Variants in PLD1 observed in about 807,000 individuals in gnomAD.
PLD1 encodes choline phosphatase 1.
In PLD1, 112 loss-of-function variants were observed where a neutral mutation model predicts 137.1. That is an observed-to-expected ratio of 0.82 (90% confidence interval 0.70 to 0.96). The LOEUF (loss-of-function observed/expected upper bound fraction) is 0.96, where lower values mean the gene tolerates loss of function less well. Ranked by LOEUF, PLD1 falls within the 40% of genes least tolerant of loss-of-function variation. PLD1 has a pLI of 0.00. For missense variants in PLD1, 1,321 were observed against 1,342.0 expected (o/e 0.98, Z 0.24); for synonymous variants, 431 against 454.7 (o/e 0.95, Z 0.66).
At chr3:171,764,541 G>C (rs1406424851) in intron 1 of PLD1, among the ~76,000 whole-genome samples, 1 of 152,106 alleles carries the variant, frequency 6.6e-6, no homozygotes, top group African/African-American at 2.4e-5. Context: ...TCACATTAAT[G>C]AGTATGTACT....
At position 171,726,050 on chromosome 3, in the gene PLD1, C is replaced by A. The variant is rs777775731; in HGVS notation, c.633G>T (p.Leu211=). 5.6e-6 allele frequency: 9 copies of A among 1,612,720 alleles called. No individual in the cohort carries two copies. Among genetic ancestry groups the A allele is most frequent in the Non-Finnish European group, 7.6e-6 (9 of 1,178,774 alleles). Residue 211 remains leucine, a synonymous_variant, in exon 7 of 27, where the codon CTG becomes CTT. Transcript: ENST00000351298. ...ATTEFLDISQ[L]SFIHDLGPKG... The stretch of plus-strand genomic sequence containing the variant: ...TTGGTCCCAAATCATGGATGAAAGA[C>A]AGCTGGCTTATATCAAGAAACTCTG...
At chr3:171,767,121 A>G (rs1487167615) in intron 1 of PLD1, among the ~76,000 whole-genome samples, 1 of 152,262 alleles carries the variant, frequency 6.6e-6, no homozygotes, top group African/African-American at 2.4e-5. Context: ...AAACTAAACA[A>G]TCAGAAAAGT....
At chr3:171,750,600 A>G (rs1720584613) in intron 1 of PLD1, among the ~76,000 whole-genome samples, 1 of 152,214 alleles carries the variant, frequency 6.6e-6, no homozygotes, top group Non-Finnish European at 1.5e-5. Context: ...GAGGTACATT[A>G]AAGTCAAGCT....
chr3:171,679,812 G>A (rs1479362612), intron 16 of PLD1, among the ~76,000 whole-genome samples: 2 of 152,126 alleles, frequency 1.3e-5, no homozygotes, highest in Non-Finnish European at 2.9e-5. Context: ...GAACTATTAA[G>A]GCAATAGAGC....
chr3:171,688,780 C>T lies in PLD1; in HGVS notation c.1435G>A (p.Gly479Arg), dbSNP rs1190479746. 6.2e-7 allele frequency: 1 copy of T among 1,614,092 alleles called. No homozygotes were observed. ...CACCTTCCATAGGCCAGGTCAATCC[C>T]TCCCACAAAGGCCACCGATTGGTCA... ...IIDQSVAFVG[G>R]IDLAYGRWDD... Residue 479 changes from glycine (G) to arginine (R), a missense_variant, in exon 14 of 27, where the codon GGG (glycine) becomes AGG (arginine). Coordinates refer to ENST00000351298, the MANE Select transcript of PLD1 (RefSeq NM_002662.5).
At chr3:171,803,330 G>C (rs9860739) in intron 1 of PLD1, among the ~76,000 whole-genome samples, 48,189 of 152,156 alleles carry the variant, frequency 0.32, 8,012 homozygotes, top group Admixed American at 0.37. Context: ...AAGTGCAGGA[G>C]AAATCTCTTT....
At chr3:171,767,806 C>T (rs910412532) in intron 1 of PLD1, among the ~76,000 whole-genome samples, 3 of 152,114 alleles carry the variant, frequency 2.0e-5, no homozygotes, top group African/African-American at 7.2e-5. Context: ...ATTTTGTTTA[C>T]ATGGCTCATG....
chr3:171,662,068 A>G lies in PLD1; in HGVS notation c.2332T>C (p.Tyr778His). The change falls in exon 20 of 27, where the codon TAT (tyrosine) becomes CAT (histidine). Residue 778 changes from tyrosine (Y) to histidine (H), a missense_variant. Transcript: ENST00000351298. ...HVIENSRHYI[Y>H]IENQFFISCA... Reference sequence around the variant, plus strand: ...ACATGAGCAAGACTTACTTCGATATAGATATAGTGCCTGCTGTTCTCTATC... The same window carrying G: ...ACATGAGCAAGACTTACTTCGATATGGATATAGTGCCTGCTGTTCTCTATC... The G allele has an allele frequency of 6.3e-7, 1 of 1,579,286 alleles. No individual in the cohort carries two copies. The highest frequency in any genetic ancestry group is 8.7e-7 in the Non-Finnish European group (1 of 1,148,766).
At chr3:171,757,805 T>C (rs1434194219) in intron 1 of PLD1, among the ~76,000 whole-genome samples, 1 of 152,246 alleles carries the variant, frequency 6.6e-6, no homozygotes, top group Admixed American at 6.5e-5. Context: ...AGGAACTAAA[T>C]GTAAATCACT....
At chr3:171,744,651 C>G (rs144863902) in intron 1 of PLD1, among the ~76,000 whole-genome samples, 1 of 152,344 alleles carries the variant, frequency 6.6e-6, no homozygotes, top group East Asian at 1.9e-4. Context: ...AACTCACGTT[C>G]TCTTTTTTTC....
At chr3:171,685,753 T>G (rs1714484502) in intron 16 of PLD1, among the ~76,000 whole-genome samples, 1 of 152,188 alleles carries the variant, frequency 6.6e-6, no homozygotes, top group African/African-American at 2.4e-5. Flanking sequence ...TGGAGTATCT[T>G]CTTACCAAAG....
At chr3:171,727,000 G>A (rs763914572) in intron 6 of PLD1, among the ~76,000 whole-genome samples, 7 of 152,012 alleles carry the variant, frequency 4.6e-5, no homozygotes, top group African/African-American at 7.3e-5. Flanking sequence ...AGCCATAGAC[G>A]CATACATAAA....
Position 171,692,315 on chromosome 3 carries a change from A to C in PLD1, c.1338+17T>G. On this transcript the variant is annotated intron_variant, in intron 13 of 26. Coordinates refer to ENST00000351298, the MANE Select transcript of PLD1 (RefSeq NM_002662.5). ...GAATAATAAAGAAACATTGGTTATC[A>C]AGATGAACCTGAATACCTTTATGTT... The C allele has an allele frequency of 8.9e-7, 1 of 1,127,022 alleles. No individual in the cohort carries two copies. Among genetic ancestry groups the C allele is most frequent in the Non-Finnish European group, 1.3e-6 (1 of 741,946 alleles). The allele number at this position is 1,127,022 out of a possible 1,614,324, so 69.8% of individuals were successfully genotyped here.
intron 21 of PLD1, among the ~76,000 whole-genome samples, chr3:171,652,617 T>C (rs1179805690): frequency 6.6e-6 from 1 of 151,962 alleles, no homozygotes; most frequent in African/African-American, 2.4e-5. Context: ...TTTTTTTCTT[T>C]TTGTGACAGG....
At chr3:171,630,912 C>G (rs1734606388) in intron 23 of PLD1, among the ~76,000 whole-genome samples, 2 of 150,366 alleles carry the variant, frequency 1.3e-5, no homozygotes, top group Admixed American at 6.6e-5. Flanking sequence ...ATACCTAATG[C>G]TAAATGACGA....
intron 6 of PLD1, among the ~76,000 whole-genome samples, chr3:171,730,907 G>A (rs1410350045): frequency 1.3e-5 from 2 of 152,184 alleles, no homozygotes; most frequent in Non-Finnish European, 2.9e-5. Context: ...CCAAAATGCT[G>A]GGATTGCAGG....
chr3:171,737,808 C>T, intron 2 of PLD1, 84 bp downstream of exon 2: 4 of 1,458,606 alleles, frequency 2.7e-6, no homozygotes, highest in Non-Finnish European at 3.7e-6. Context: ...GAAAATCAAT[C>T]ATTTGCTGGT....
intron 1 of PLD1, among the ~76,000 whole-genome samples, chr3:171,805,053 C>A (rs1232373970): frequency 6.6e-6 from 1 of 152,140 alleles, no homozygotes; most frequent in Non-Finnish European, 1.5e-5. Flanking sequence ...ATTCTGAACC[C>A]TTATTTTCCT....
chr3:171,764,879 G>GA (rs1364800575), intron 1 of PLD1, among the ~76,000 whole-genome samples: 1 of 24,770 alleles, frequency 4.0e-5, no homozygotes, highest in African/African-American at 1.6e-4. Flanking sequence ...AAGAAAGAAA[G>GA]AAAGAAAGAA....
Sources: gnomAD v4.1 joint callset for allele counts (sites outside exome capture counted in the v4.1 genomes callset) on GRCh38, gnomAD v4.1.1 for gene constraint, MANE v1.5 for transcripts, NCBI Gene and HGNC (gene_info 2026-07-23, HGNC 2026-07-21) for gene names.